ROR1: variants seen among roughly 807,000 people sequenced by gnomAD.
The protein encoded by ROR1 is ROR family WNT receptor 1.
In ROR1, 19 loss-of-function variants were observed where a neutral mutation model predicts 78.8. The observed-to-expected ratio is 0.24, with a 90% CI of 0.17 to 0.35. ROR1 has a LOEUF of 0.35. ROR1 is among the 10% of genes least tolerant of loss of function. ROR1 has a pLI of 1.00. For synonymous variants in ROR1, 386 were observed against 433.6 expected, an observed-to-expected ratio of 0.89 and a Z score of 1.36; for missense variants, 917 against 1,177.8, an observed-to-expected ratio of 0.78 and a Z score of 3.24.
At chr1:63,944,438 T>C (rs1402411735) in intron 1 of ROR1, among the ~76,000 whole-genome samples, 1 of 152,226 alleles carries the variant, frequency 6.6e-6, no homozygotes, top group East Asian at 1.9e-4. Context: ...TGATTGTGCA[T>C]TGGATACATT....
chr1:63,833,589 T>C (rs639671), intron 1 of ROR1, among the ~76,000 whole-genome samples: 49,520 of 151,946 alleles, frequency 0.33, 10,418 homozygotes, highest in African/African-American at 0.61. Flanking sequence ...CAAGCTCTGA[T>C]TGGCTGCTCT....
intron 7 of ROR1, among the ~76,000 whole-genome samples, chr1:64,153,313 A>G (rs1367374936): frequency 2.0e-5 from 3 of 152,222 alleles, no homozygotes; most frequent in Non-Finnish European, 4.4e-5. Context: ...GGAATGTAAA[A>G]TGGTGCAGCT....
At chr1:63,827,531 G>A (rs1644961661) in intron 1 of ROR1, among the ~76,000 whole-genome samples, 1 of 152,142 alleles carries the variant, frequency 6.6e-6, no homozygotes, top group African/African-American at 2.4e-5. Context: ...GGGGTTGGAT[G>A]GAATTTGTTC....
intron 1 of ROR1, among the ~76,000 whole-genome samples, chr1:63,920,316 GATTT>G (rs1645643982): frequency 6.6e-6 from 1 of 152,220 alleles, no homozygotes; most frequent in Non-Finnish European, 1.5e-5. Flanking sequence ...TGGGAGGAGG[GATTT>G]ATTTGAGCTG....
At chr1:63,816,320 A>G (rs1644892007) in intron 1 of ROR1, among the ~76,000 whole-genome samples, 1 of 152,112 alleles carries the variant, frequency 6.6e-6, no homozygotes, top group African/African-American at 2.4e-5. Context: ...TGTGGGAGAG[A>G]CCCAGTGGGA....
chr1:63,951,481 C>T (rs980945410), intron 1 of ROR1, among the ~76,000 whole-genome samples: 1 of 152,142 alleles, frequency 6.6e-6, no homozygotes, highest in African/African-American at 2.4e-5. Context: ...GAGAACTCGT[C>T]TCTGAGGAGG....
At chr1:64,016,828 A>G (rs1374883119) in intron 2 of ROR1, among the ~76,000 whole-genome samples, 1 of 151,284 alleles carries the variant, frequency 6.6e-6, no homozygotes, top group Admixed American at 6.6e-5. Context: ...TTGACCACTA[A>G]TATGATTAGA....
chr1:64,170,352 C>G (rs954797704), intron 8 of ROR1, among the ~76,000 whole-genome samples: 1 of 152,202 alleles, frequency 6.6e-6, no homozygotes, highest in African/African-American at 2.4e-5. Flanking sequence ...CTTGGGACCT[C>G]CAACCTCTGA....
At chr1:63,973,944 T>G (rs889102877) in intron 1 of ROR1, among the ~76,000 whole-genome samples, 6 of 152,226 alleles carry the variant, frequency 3.9e-5, no homozygotes, top group Non-Finnish European at 8.8e-5. Flanking sequence ...CGGAGACATT[T>G]TTTAAAAAAG....
chr1:63,971,103 T>A (rs1369090208), intron 1 of ROR1, among the ~76,000 whole-genome samples: 2 of 152,174 alleles, frequency 1.3e-5, no homozygotes, highest in Non-Finnish European at 2.9e-5. Flanking sequence ...GATCACATCC[T>A]TATTTCCTAG....
chr1:64,174,097 C>A (rs773918851), intron 8 of ROR1, among the ~76,000 whole-genome samples: 2 of 152,146 alleles, frequency 1.3e-5, no homozygotes, highest in Non-Finnish European at 2.9e-5. Context: ...TACTTTACTT[C>A]CTGGATGACT....
chr1:63,908,947 G>C (rs762606669), intron 1 of ROR1, among the ~76,000 whole-genome samples: 11 of 152,224 alleles, frequency 7.2e-5, no homozygotes, highest in Non-Finnish European at 1.5e-4. Context: ...CAATGCAGAA[G>C]TGCAGGGAGT....
intron 1 of ROR1, among the ~76,000 whole-genome samples, chr1:63,775,572 T>G (rs957975950): frequency 1.3e-5 from 2 of 152,182 alleles, no homozygotes; most frequent in African/African-American, 2.4e-5. Flanking sequence ...ATCATGCATC[T>G]TTCATTTTTA....
chr1:63,883,257 G>A (rs1245969108), intron 1 of ROR1, among the ~76,000 whole-genome samples: 2 of 152,096 alleles, frequency 1.3e-5, no homozygotes, highest in African/African-American at 2.4e-5. Flanking sequence ...ACACTGTACT[G>A]TCTTTGAAGC....
intron 1 of ROR1, among the ~76,000 whole-genome samples, chr1:63,792,456 G>A (rs1453191827): frequency 6.6e-6 from 1 of 152,190 alleles, no homozygotes; most frequent in Non-Finnish European, 1.5e-5. Flanking sequence ...TACATGGGGA[G>A]TGTATAAGTC....
At chr1:63,929,005 A>T (rs1486372484) in intron 1 of ROR1, among the ~76,000 whole-genome samples, 3 of 152,196 alleles carry the variant, frequency 2.0e-5, no homozygotes, top group Admixed American at 6.5e-5. Flanking sequence ...GGCATCCCAG[A>T]TGAAAAGGAT....
intron 2 of ROR1, among the ~76,000 whole-genome samples, chr1:64,011,472 A>T (rs1229164855): frequency 6.6e-6 from 1 of 152,202 alleles, no homozygotes; most frequent in Admixed American, 6.5e-5. Context: ...GATTCCAGTT[A>T]TGGCAATAGA....
At chr1:63,961,618 T>A (rs1432917062) in intron 1 of ROR1, among the ~76,000 whole-genome samples, 1 of 152,180 alleles carries the variant, frequency 6.6e-6, no homozygotes, top group Non-Finnish European at 1.5e-5. Flanking sequence ...CTCACTCATA[T>A]GTGGAAGCTA....
At chr1:63,990,218 T>G (rs967736375) in intron 1 of ROR1, among the ~76,000 whole-genome samples, 1 of 152,138 alleles carries the variant, frequency 6.6e-6, no homozygotes, top group Non-Finnish European at 1.5e-5. Flanking sequence ...TTGAGCCTTT[T>G]CTGTTGCTGA....
Sources: gnomAD v4.1 joint callset for allele counts (sites outside exome capture counted in the v4.1 genomes callset) on GRCh38, gnomAD v4.1.1 for gene constraint, MANE v1.5 for transcripts, NCBI Gene and HGNC (gene_info 2026-07-23, HGNC 2026-07-21) for gene names.